Variants in PPP2R3A observed in about 807,000 individuals in gnomAD.
PPP2R3A encodes serine/threonine-protein phosphatase 2A regulatory subunit B'' subunit alpha.
PPP2R3A carries 80 observed loss-of-function variants against 106.9 expected under a neutral mutation model. The observed-to-expected ratio is 0.75, with a 90% confidence interval of 0.62 to 0.90. The LOEUF is 0.90. Ranked by LOEUF, PPP2R3A falls within the 40% of genes least tolerant of loss-of-function variation. PPP2R3A has a pLI of 0.00. For missense variants in PPP2R3A, 1,386 were observed against 1,350.4 expected, an observed-to-expected ratio of 1.03 and a Z score of -0.41; for synonymous variants, 483 against 468.3, an observed-to-expected ratio of 1.03 and a Z score of -0.41.
intron 13 of PPP2R3A, among the ~76,000 whole-genome samples, chr3:136,136,944 T>C (rs1461790870): frequency 6.6e-6 from 1 of 152,164 alleles, no homozygotes; most frequent in African/African-American, 2.4e-5. Context: ...GCTGTAAACA[T>C]TGCAAATTAA....
intron 2 of PPP2R3A, among the ~76,000 whole-genome samples, chr3:136,011,786 T>G (rs141170480): frequency 3.3e-5 from 5 of 152,280 alleles, no homozygotes; most frequent in African/African-American, 1.2e-4. Flanking sequence ...TGTCATCCCC[T>G]CTCATGGATC....
At chr3:136,104,005 C>T (rs1332431902) in intron 12 of PPP2R3A, among the ~76,000 whole-genome samples, 1 of 152,142 alleles carries the variant, frequency 6.6e-6, no homozygotes, top group African/African-American at 2.4e-5. Flanking sequence ...TTGTTCTTAC[C>T]ATTCCTCTAA....
intron 10 of PPP2R3A, among the ~76,000 whole-genome samples, chr3:136,098,102 A>G (rs1937257697): frequency 6.6e-6 from 1 of 152,222 alleles, no homozygotes; most frequent in African/African-American, 2.4e-5. Context: ...TATATTTCTC[A>G]AAAAGACTTT....
intron 4 of PPP2R3A, among the ~76,000 whole-genome samples, chr3:136,047,294 A>G (rs79295504): frequency 0.016 from 2,471 of 152,342 alleles, 69 homozygotes; most frequent in African/African-American, 0.057. Context: ...ATTACTGGGT[A>G]TATACCCAAA....
intron 6 of PPP2R3A, among the ~76,000 whole-genome samples, chr3:136,075,459 C>A (rs1936563816): frequency 1.3e-5 from 2 of 152,096 alleles, no homozygotes; most frequent in African/African-American, 4.8e-5. Context: ...ATGTGGAAAC[C>A]AACAAATGTG....
In PPP2R3A at chr3:136,003,308, G is replaced by C. The variant is rs879010391; in HGVS notation, c.1810G>C (p.Glu604Gln). 6.2e-7 allele frequency: 1 copy of C among 1,613,970 alleles called. No homozygotes were observed. ...GGAAAGCATTGAAGACTTTGCTCAA[G>C]AACTAGTTGAATGCAAATCAAGCAG... is the stretch of plus-strand genomic sequence containing the variant. ...ILESIEDFAQ[E>Q]LVECKSSRGS... The change falls in exon 2 of 14, where the codon GAA (glutamate) becomes CAA (glutamine). Residue 604 changes from glutamate (E) to glutamine (Q), a missense_variant. Physicochemically the swap from Glu to Gln is conservative, Grantham distance 29. Coordinates refer to ENST00000264977, the MANE Select transcript of PPP2R3A (RefSeq NM_002718.5).
intron 5 of PPP2R3A, among the ~76,000 whole-genome samples, chr3:136,058,513 A>T (rs543030109): frequency 6.6e-6 from 1 of 152,240 alleles, no homozygotes; most frequent in Non-Finnish European, 1.5e-5. Flanking sequence ...TAAATCAGAG[A>T]TGACACAGAC....
intron 13 of PPP2R3A, among the ~76,000 whole-genome samples, chr3:136,137,828 A>T (rs947222050): frequency 6.6e-6 from 1 of 151,530 alleles, no homozygotes; most frequent in African/African-American, 2.4e-5. Flanking sequence ...GGCGTGAGCC[A>T]CCGCGCCCGG....
At chr3:136,063,255 T>C (rs1285330101) in intron 5 of PPP2R3A, among the ~76,000 whole-genome samples, 3 of 152,198 alleles carry the variant, frequency 2.0e-5, no homozygotes, top group African/African-American at 4.8e-5. Flanking sequence ...CCTTACACCT[T>C]ATACCAAAAA....
At chr3:136,113,259 C>T (rs1234012503) in intron 13 of PPP2R3A, among the ~76,000 whole-genome samples, 1 of 152,106 alleles carries the variant, frequency 6.6e-6, no homozygotes, top group Non-Finnish European at 1.5e-5. Context: ...GGTGCTGATA[C>T]AAAAACAGAC....
intron 1 of PPP2R3A, among the ~76,000 whole-genome samples, chr3:135,981,696 G>A (rs537061617): frequency 1.5e-4 from 23 of 151,838 alleles, no homozygotes; most frequent in Admixed American, 3.9e-4. Context: ...GACAGTAAAC[G>A]TGTAAACAGT....
intron 5 of PPP2R3A, among the ~76,000 whole-genome samples, chr3:136,068,020 T>C (rs1359392852): frequency 6.6e-6 from 1 of 151,976 alleles, no homozygotes; most frequent in Non-Finnish European, 1.5e-5. Flanking sequence ...AGCCCAGGAG[T>C]TCGAGACCAG....
At chr3:135,972,430 A>G (rs1023679834) in intron 1 of PPP2R3A, among the ~76,000 whole-genome samples, 1 of 152,202 alleles carries the variant, frequency 6.6e-6, no homozygotes, top group African/African-American at 2.4e-5. Flanking sequence ...GCATTCTTCT[A>G]CAAGTTTTTG....
At chr3:135,982,065 T>C (rs921903243) in intron 1 of PPP2R3A, among the ~76,000 whole-genome samples, 22 of 151,626 alleles carry the variant, frequency 1.5e-4, no homozygotes, top group Non-Finnish European at 1.2e-4. Context: ...AAGATGATGG[T>C]TAGGATCGTG....
At chr3:136,129,692 A>G (rs1049224076) in intron 13 of PPP2R3A, among the ~76,000 whole-genome samples, 5 of 152,318 alleles carry the variant, frequency 3.3e-5, no homozygotes, top group Admixed American at 1.3e-4. Context: ...CCTGATGCCA[A>G]AGCCTACCAG....
chr3:136,050,385 A>G (rs1935643734), intron 5 of PPP2R3A, among the ~76,000 whole-genome samples: 1 of 152,202 alleles, frequency 6.6e-6, no homozygotes, highest in Non-Finnish European at 1.5e-5. Flanking sequence ...AGGTTGGCGG[A>G]TATTTTTAAC....
At chr3:136,116,686 A>T (rs1937776190) in intron 13 of PPP2R3A, among the ~76,000 whole-genome samples, 1 of 152,240 alleles carries the variant, frequency 6.6e-6, no homozygotes, top group African/African-American at 2.4e-5. Context: ...CAACAAGAAG[A>T]GCTGACTGTC....
At chr3:136,074,527 G>C (rs1936537129) in intron 6 of PPP2R3A, among the ~76,000 whole-genome samples, 1 of 152,224 alleles carries the variant, frequency 6.6e-6, no homozygotes, top group Admixed American at 6.5e-5. Context: ...AATTGCCAGT[G>C]AATAAAAGGT....
chr3:136,004,538 A>G (rs1351004825), intron 2 of PPP2R3A, among the ~76,000 whole-genome samples: 1 of 152,220 alleles, frequency 6.6e-6, no homozygotes, highest in Admixed American at 6.5e-5. Flanking sequence ...AGAAAAGCAC[A>G]TGGAATATTT....
Sources: gnomAD v4.1 joint callset for allele counts (sites outside exome capture counted in the v4.1 genomes callset) on GRCh38, gnomAD v4.1.1 for gene constraint, MANE v1.5 for transcripts, NCBI Gene and HGNC (gene_info 2026-07-23, HGNC 2026-07-21) for gene names.